Variants in ACOT12 observed in about 807,000 individuals in gnomAD.
ACOT12 encodes acetyl-coenzyme A thioesterase.
Under a neutral mutation model 67.7 loss-of-function variants are expected in ACOT12, and 51 were observed. The observed-to-expected ratio is 0.75, with a 90% CI of 0.60 to 0.95. ACOT12 has a LOEUF of 0.95. Among genes scored for constraint, ACOT12 ranks in the 40% least tolerant of loss-of-function variants. The pLI is 0.00. For missense variants in ACOT12, 734 were observed against 708.1 expected (o/e 1.04, Z -0.41); for synonymous variants, 251 against 244.6 (o/e 1.03, Z -0.24).
intron 5 of ACOT12, among the ~76,000 whole-genome samples, chr5:81,358,836 C>A (rs924354016): frequency 2.0e-4 from 30 of 148,116 alleles, no homozygotes; most frequent in African/African-American, 7.4e-4. Context: ...GCAACAAGAG[C>A]GAAACTCTGT....
rs10057287 is a variant in ACOT12, at chr5:81,357,522, C to T, written c.496+2381G>A. On this transcript the variant is annotated intron_variant, in intron 5 of 14. Transcript: ENST00000307624. ...CACACACACTCCATCTAGCATGCACCGGGGCAAACTGGCCAGCACCTCACG... is the reference window on the plus strand; with the variant it reads ...CACACACACTCCATCTAGCATGCACTGGGGCAAACTGGCCAGCACCTCACG... Among the ~76,000 whole-genome samples, 1,410 of 151,912 alleles carry T rather than the reference C, an allele frequency of 9.3e-3. 17 individuals carry two copies. The highest frequency in any genetic ancestry group is 0.031 in the African/African-American group (1,270 of 41,404).
At chr5:81,342,291 A>G (rs1759221169) in intron 11 of ACOT12, among the ~76,000 whole-genome samples, 1 of 152,122 alleles carries the variant, frequency 6.6e-6, no homozygotes, top group South Asian at 2.1e-4. Context: ...ACACTCGACC[A>G]AAAAAATTAA....
intron 3 of ACOT12, among the ~76,000 whole-genome samples, chr5:81,369,698 G>A (rs1032134134): frequency 6.6e-6 from 1 of 152,106 alleles, no homozygotes; most frequent in Non-Finnish European, 1.5e-5. Flanking sequence ...TGTTTTCTTA[G>A]CTTTTAGATA....
the ACOT12 span, among the ~76,000 whole-genome samples, chr5:81,318,882 C>G: frequency 6.6e-6 from 1 of 152,200 alleles, no homozygotes; most frequent in African/African-American, 2.4e-5. Context: ...TTCCAGAGAA[C>G]TGCCAAGCAG....
intron 3 of ACOT12, among the ~76,000 whole-genome samples, chr5:81,365,067 G>A (rs1345642280): frequency 3.9e-5 from 6 of 152,188 alleles, no homozygotes; most frequent in Non-Finnish European, 7.3e-5. Flanking sequence ...TGTGTGAAGA[G>A]CGCTGAAGCT....
At chr5:81,350,631 TC>T (rs925459055) in intron 5 of ACOT12, among the ~76,000 whole-genome samples, 56 of 152,314 alleles carry the variant, frequency 3.7e-4, no homozygotes, top group African/African-American at 1.3e-3. Context: ...CAGCTGCAGA[TC>T]CCCTGGGGTC....
chr5:81,310,619 C>A, the ACOT12 span, among the ~76,000 whole-genome samples: 3 of 152,112 alleles, frequency 2.0e-5, no homozygotes, highest in African/African-American at 4.8e-5. Flanking sequence ...ATTTTAGAAA[C>A]CACATGTGTT....
At chr5:81,367,301 CT>C (rs1299278859) in intron 3 of ACOT12, among the ~76,000 whole-genome samples, 1 of 152,076 alleles carries the variant, frequency 6.6e-6, no homozygotes, top group Non-Finnish European at 1.5e-5. Context: ...TAAAATACTT[CT>C]TTTCATTTCT....
intron 2 of ACOT12, among the ~76,000 whole-genome samples, chr5:81,374,670 A>G (rs1259119425): frequency 1.8e-4 from 27 of 152,166 alleles, no homozygotes; most frequent in Admixed American, 1.7e-3. Context: ...GCTGAAAAAC[A>G]CAGCACGAGA....
chr5:81,382,842 A>G (rs1329988269), intron 2 of ACOT12, among the ~76,000 whole-genome samples: 2 of 152,076 alleles, frequency 1.3e-5, no homozygotes, highest in Non-Finnish European at 2.9e-5. Context: ...GATGAATTGT[A>G]ACACATCAAG....
chr5:81,311,379 T>C, the ACOT12 span: 1 of 1,218,720 alleles, frequency 8.2e-7, no homozygotes, highest in Non-Finnish European at 1.2e-6. Flanking sequence ...TACTAATGAT[T>C]TTAAGACAAC....
the ACOT12 span, chr5:81,309,270 G>T: frequency 2.6e-6 from 1 of 378,632 alleles, no homozygotes; most frequent in South Asian, 7.2e-5. Flanking sequence ...AACTGTGCTT[G>T]CTTCATCATT....
chr5:81,340,431 G>A (rs765634721), intron 11 of ACOT12, among the ~76,000 whole-genome samples: 6 of 152,018 alleles, frequency 3.9e-5, no homozygotes, highest in Non-Finnish European at 7.4e-5. Flanking sequence ...ACACGATCTC[G>A]GCCCACTGCA....
At chr5:81,365,927 T>C (rs116453764) in intron 3 of ACOT12, among the ~76,000 whole-genome samples, 2 of 152,028 alleles carry the variant, frequency 1.3e-5, no homozygotes, top group Admixed American at 1.3e-4. Context: ...AGTCTTTGGG[T>C]TGATACTAAC....
chr5:81,343,010 C>T (rs1159395721), intron 10 of ACOT12, among the ~76,000 whole-genome samples: 4 of 152,042 alleles, frequency 2.6e-5, no homozygotes, highest in Non-Finnish European at 5.9e-5. Flanking sequence ...GGTGAAACCC[C>T]ATTTCTACGA....
intron 12 of ACOT12, among the ~76,000 whole-genome samples, chr5:81,333,059 ATCT>A (rs1758880350): frequency 7.0e-6 from 1 of 142,196 alleles, no homozygotes; most frequent in African/African-American, 2.7e-5. Flanking sequence ...ACACAGTGAG[ATCT>A]TAAAAAAAAA....
At chr5:81,312,433 C>T in the ACOT12 span, 1 of 784,702 alleles carries the variant, frequency 1.3e-6, no homozygotes, top group Non-Finnish European at 2.1e-6. Flanking sequence ...AGTCTTCCCT[C>T]CTTGTGATTA....
intron 5 of ACOT12, among the ~76,000 whole-genome samples, chr5:81,355,291 C>T (rs968962456): frequency 6.6e-6 from 1 of 152,156 alleles, no homozygotes; most frequent in African/African-American, 2.4e-5. Flanking sequence ...TTACAGTTCT[C>T]GTTTTGTTTA....
At chr5:81,333,090 C>T (rs1246143859) in intron 12 of ACOT12, among the ~76,000 whole-genome samples, 1 of 145,650 alleles carries the variant, frequency 6.9e-6, no homozygotes, top group Non-Finnish European at 1.5e-5. Flanking sequence ...CCACAACAAA[C>T]AAACAAAAAA....
Sources: allele counts gnomAD v4.1 joint callset (sites outside exome capture counted in the v4.1 genomes callset), GRCh38; gene constraint gnomAD v4.1.1; transcripts MANE v1.5; gene names NCBI Gene and HGNC (gene_info 2026-07-23, HGNC 2026-07-21).